Variants in CREB5 observed in about 807,000 individuals in gnomAD.
CREB5 encodes the protein cyclic AMP-responsive element-binding protein 5.
Under a neutral mutation model 57.1 loss-of-function variants are expected in CREB5, and 19 were observed. That is an observed-to-expected ratio of 0.33 (90% CI 0.23 to 0.49). The LOEUF (loss-of-function observed/expected upper bound fraction) is 0.49. Among genes scored for constraint, CREB5 ranks in the 20% least tolerant of loss-of-function variants. CREB5 has a pLI of 0.99. For synonymous variants in CREB5, 238 were observed against 238.3 expected (o/e 1.00, Z 0.01); for missense variants, 579 against 671.6 (o/e 0.86, Z 1.52).
intron 4 of CREB5, among the ~76,000 whole-genome samples, chr7:28,550,891 C>T (rs1794611687): frequency 6.6e-6 from 1 of 152,140 alleles, no homozygotes; most frequent in Admixed American, 6.5e-5. Context: ...GGAGTATCAC[C>T]CCGAGGCTTC....
chr7:28,560,895 TGCGTGCGC>T lies in CREB5; in HGVS notation c.292-9462_292-9455del, dbSNP rs1294521832. 7.9e-4 allele frequency among the ~76,000 whole-genome samples: 21 copies of T among 26,656 alleles called. 1 individual carries two copies. The highest frequency in any genetic ancestry group is 0.02 in the Middle Eastern group (1 of 50). The allele number at this position is 26,656 out of a possible 152,430, so 17.5% of individuals were successfully genotyped here. Reference sequence around the variant, plus strand: ...GTGCGCGTGCGTGCGTGCGTGTGTGTGCGTGCGCGCGTGCGTGTGCGTGTGTGCGCGTG... The same window carrying T: ...GTGCGCGTGCGTGCGTGCGTGTGTGTGCGTGCGTGTGCGTGTGTGCGCGTG... On this transcript the variant is annotated intron_variant, in intron 4 of 10. Transcript: ENST00000357727.
intron 1 of CREB5, among the ~76,000 whole-genome samples, chr7:28,399,032 C>T (rs1035529003): frequency 1.3e-5 from 2 of 152,044 alleles, no homozygotes; most frequent in African/African-American, 4.8e-5. Flanking sequence ...TTTTTCTTCC[C>T]GTCTGATGTT....
chr7:28,792,343 A>G (rs562642232), intron 7 of CREB5, among the ~76,000 whole-genome samples: 435 of 121,552 alleles, frequency 3.6e-3, no homozygotes, highest in African/African-American at 0.011. Context: ...TATCACATGG[A>G]AAAAAAAAAA....
At chr7:28,793,181 T>C (rs1807828827) in intron 7 of CREB5, among the ~76,000 whole-genome samples, 1 of 152,074 alleles carries the variant, frequency 6.6e-6, no homozygotes, top group South Asian at 2.1e-4. Flanking sequence ...CTTTGAGGTC[T>C]CAGGCAGGGG....
chr7:28,782,503 A>G (rs1166145728), intron 7 of CREB5, among the ~76,000 whole-genome samples: 1 of 152,240 alleles, frequency 6.6e-6, no homozygotes, highest in Non-Finnish European at 1.5e-5. Context: ...GAAGAAATGA[A>G]AGAAATACTA....
chr7:28,324,865 T>A (rs556200546), intron 1 of CREB5, among the ~76,000 whole-genome samples: 1 of 152,344 alleles, frequency 6.6e-6, no homozygotes, highest in Non-Finnish European at 1.5e-5. Context: ...ACAATCATCC[T>A]ATCTCAGTAA....
chr7:28,642,203 A>C (rs1185021615), intron 5 of CREB5, among the ~76,000 whole-genome samples: 2 of 152,230 alleles, frequency 1.3e-5, no homozygotes, highest in Non-Finnish European at 2.9e-5. Context: ...GTTCATTGAC[A>C]TAAACCTGCT....
rs544846452 is a variant in CREB5 at position 28,361,690 on chromosome 7, G to A, written c.-25+62249G>A. Among the ~76,000 whole-genome samples the A allele has an allele frequency of 5.3e-5, 8 of 152,248 alleles. No individual in the cohort carries two copies. The South Asian group carries it at 6.2e-4, about 12-fold the overall frequency. On this transcript the variant is annotated intron_variant, in intron 1 of 9. Transcript: ENST00000396299. ...TCAGGGCCTCTTTTCAGCCTCCTGC[G>A]GACTCAGCAGGGCTCCCACAGCATT...
chr7:28,761,665 G>A (rs1805662494), intron 7 of CREB5, among the ~76,000 whole-genome samples: 1 of 152,004 alleles, frequency 6.6e-6, no homozygotes, highest in Non-Finnish European at 1.5e-5. Flanking sequence ...CTAACATTTT[G>A]TGACTGGGAG....
At chr7:28,583,506 AG>A (rs1465581577) in intron 5 of CREB5, among the ~76,000 whole-genome samples, 3 of 152,296 alleles carry the variant, frequency 2.0e-5, no homozygotes, top group African/African-American at 7.2e-5. Context: ...CTCTCAGGAA[AG>A]GGTAGAACAA....
At chr7:28,432,808 T>C (rs1467673371) in intron 1 of CREB5, among the ~76,000 whole-genome samples, 1 of 152,250 alleles carries the variant, frequency 6.6e-6, no homozygotes, top group Non-Finnish European at 1.5e-5. Flanking sequence ...ATACTCATTG[T>C]AGAAAATAAA....
chr7:28,351,730 T>G (rs1390428157), intron 1 of CREB5, among the ~76,000 whole-genome samples: 1 of 152,052 alleles, frequency 6.6e-6, no homozygotes, highest in East Asian at 1.9e-4. Flanking sequence ...CATTGAAAAT[T>G]AAGCTGAATG....
intron 7 of CREB5, among the ~76,000 whole-genome samples, chr7:28,790,431 AG>A (rs1195130045): frequency 3.5e-3 from 146 of 41,610 alleles, no homozygotes; most frequent in African/African-American, 0.027. Context: ...AGAAAGAAAG[AG>A]AGAGAGAGAG....
chr7:28,428,585 T>C (rs764045423), intron 1 of CREB5, among the ~76,000 whole-genome samples: 2 of 152,140 alleles, frequency 1.3e-5, no homozygotes, highest in Non-Finnish European at 2.9e-5. Flanking sequence ...GTATTTGACC[T>C]GAGACAAGGA....
rs117666946 is a variant in CREB5, at chr7:28,543,886, C to T, written c.292-26479C>T. Among the ~76,000 whole-genome samples the T allele has an allele frequency of 7.8e-3, 1,171 of 150,822 alleles. 13 individuals are homozygous for T. Among genetic ancestry groups the T allele is most frequent in the South Asian group, 0.024 (114 of 4,690 alleles). ...GGGACCAGTCACATAATATGTGATTCACCATATTAACCCATCTGAGCTCAG... is the reference window on the plus strand; with the variant it reads ...GGGACCAGTCACATAATATGTGATTTACCATATTAACCCATCTGAGCTCAG... On this transcript the variant is annotated intron_variant, in intron 4 of 10. Coordinates refer to ENST00000357727, the MANE Select transcript of CREB5 (RefSeq NM_182898.4).
At chr7:28,328,087 C>A (rs1291014755) in intron 1 of CREB5, among the ~76,000 whole-genome samples, 1 of 152,106 alleles carries the variant, frequency 6.6e-6, no homozygotes, top group East Asian at 1.9e-4. Flanking sequence ...AACACATGGG[C>A]CTATCTCCTA....
intron 7 of CREB5, among the ~76,000 whole-genome samples, chr7:28,729,850 G>C (rs1156297784): frequency 2.0e-5 from 3 of 152,196 alleles, no homozygotes; most frequent in Non-Finnish European, 2.9e-5. Flanking sequence ...CCTGTAGCCT[G>C]TGATCAAAAC....
At chr7:28,361,966 C>T (rs901828563) in intron 1 of CREB5, among the ~76,000 whole-genome samples, 2 of 152,200 alleles carry the variant, frequency 1.3e-5, no homozygotes, top group Non-Finnish European at 2.9e-5. Flanking sequence ...TCTTCTTCCT[C>T]CAGCCAGGTC....
At chr7:28,352,268 G>C (rs966489346) in intron 1 of CREB5, among the ~76,000 whole-genome samples, 3 of 152,116 alleles carry the variant, frequency 2.0e-5, no homozygotes, top group African/African-American at 7.2e-5. Flanking sequence ...TGTTGGGAAT[G>C]GTCTCTCTTC....
Sources: gnomAD v4.1 joint callset for allele counts (sites outside exome capture counted in the v4.1 genomes callset) on GRCh38, gnomAD v4.1.1 for gene constraint, MANE v1.5 for transcripts, NCBI Gene and HGNC (gene_info 2026-07-23, HGNC 2026-07-21) for gene names.